FUT8: variants seen among roughly 807,000 people sequenced by gnomAD.
FUT8 encodes the protein alpha-(1,6)-fucosyltransferase.
A neutral mutation model predicts 71.3 loss-of-function variants in FUT8; 29 were observed. The observed-to-expected ratio is 0.41, with a 90% confidence interval of 0.30 to 0.55. FUT8 has a LOEUF of 0.55. FUT8 is among the 20% of genes least tolerant of loss of function. FUT8 has a pLI of 0.34. For missense variants in FUT8, 544 were observed against 702.1 expected, an observed-to-expected ratio of 0.77 and a Z score of 2.55; for synonymous variants, 254 against 239.3, an observed-to-expected ratio of 1.06 and a Z score of -0.57.
chr14:65,619,274 G>GT (rs1210579439), intron 5 of FUT8, among the ~76,000 whole-genome samples: 1 of 152,138 alleles, frequency 6.6e-6, no homozygotes, highest in Non-Finnish European at 1.5e-5. Context: ...TGCCTGTGTT[G>GT]TTTCCTGGTA....
intron 5 of FUT8, among the ~76,000 whole-genome samples, chr14:65,617,627 C>G (rs151175487): frequency 6.6e-6 from 1 of 152,266 alleles, no homozygotes; most frequent in Admixed American, 6.5e-5. Context: ...CCACTGACTT[C>G]TGATGGAATG....
At position 65,732,409 on chromosome 14, in the gene FUT8, T is replaced by G. The variant is rs978183276; in HGVS notation, c.1260-822T>G. The stretch of plus-strand genomic sequence containing the variant: ...AGAAAAATAAGTCATGGTCCTAACC[T>G]TTTTTGGAATACTGTTTGGAAGACA... On this transcript the variant is annotated intron_variant, in intron 9 of 10. Coordinates refer to ENST00000673929, the MANE Select transcript of FUT8 (RefSeq NM_001371533.1). Among the ~76,000 whole-genome samples the G allele has an allele frequency of 3.3e-5, 5 of 152,340 alleles. No homozygotes were observed. The South Asian group carries it at 1.0e-3, about 32-fold the overall frequency.
chr14:65,391,034 T>C, the FUT8 span, among the ~76,000 whole-genome samples: 3 of 152,184 alleles, frequency 2.0e-5, no homozygotes, highest in South Asian at 6.2e-4. Context: ...CCTAATTTCC[T>C]ATTCTTTGTG....
intron 1 of FUT8, among the ~76,000 whole-genome samples, chr14:65,422,738 C>A (rs940595776): frequency 2.0e-5 from 3 of 151,982 alleles, no homozygotes; most frequent in African/African-American, 7.3e-5. Context: ...AAACTCCTGG[C>A]CTTAGGTGAT....
chr14:65,435,504 G>T (rs183734407), intron 1 of FUT8, among the ~76,000 whole-genome samples: 16 of 152,230 alleles, frequency 1.1e-4, no homozygotes, highest in African/African-American at 3.6e-4. Flanking sequence ...TTATCCATTT[G>T]TCTGTTGAAA....
intron 6 of FUT8, among the ~76,000 whole-genome samples, chr14:65,639,487 G>A (rs1299133497): frequency 6.8e-6 from 1 of 145,990 alleles, no homozygotes; most frequent in Non-Finnish European, 1.5e-5. Flanking sequence ...TAAACTTCCT[G>A]TGAGTATTGT....
chr14:65,449,304 C>T (rs112255653), intron 1 of FUT8, among the ~76,000 whole-genome samples: 1 of 152,216 alleles, frequency 6.6e-6, no homozygotes, highest in African/African-American at 2.4e-5. Flanking sequence ...GACAGTCTTA[C>T]AATGATGAAT....
At chr14:65,708,690 C>T (rs931416831) in intron 7 of FUT8, among the ~76,000 whole-genome samples, 4 of 151,968 alleles carry the variant, frequency 2.6e-5, no homozygotes, top group East Asian at 3.9e-4. Flanking sequence ...GATTTTGTAA[C>T]GTGCAACTTT....
rs201100424 is a variant in FUT8, at chr14:65,616,023, A to T, written c.249A>T (p.Val83=). The T allele has an allele frequency of 3.1e-6, 5 of 1,613,970 alleles. No individual in the cohort carries two copies. Among genetic ancestry groups the T allele is most frequent in the Non-Finnish European group, 4.2e-6 (5 of 1,179,946 alleles). The part of the protein sequence containing the change: ...PIDQGPAIGR[V]RVLEEQLVKA... ...ATCAGGGGCCAGCTATAGGAAGAGTACGCGTTTTAGAAGAGCAGCTTGTTA... is the reference window on the plus strand; with the variant it reads ...ATCAGGGGCCAGCTATAGGAAGAGTTCGCGTTTTAGAAGAGCAGCTTGTTA... Residue 83 remains valine (V), a synonymous_variant, in exon 4 of 11, where the codon GTA becomes GTT. Transcript: ENST00000673929.
the FUT8 span, among the ~76,000 whole-genome samples, chr14:65,372,451 T>C: frequency 1.3e-5 from 2 of 151,882 alleles, no homozygotes; most frequent in Non-Finnish European, 2.9e-5. Context: ...AGTTTTGCTC[T>C]GTCACCCGAG....
chr14:65,422,575 C>T (rs529334989), intron 1 of FUT8, among the ~76,000 whole-genome samples: 24 of 151,990 alleles, frequency 1.6e-4, no homozygotes, highest in Admixed American at 5.2e-4. Context: ...CATAGCTCAC[C>T]GCAGTCTCAA....
intron 2 of FUT8, among the ~76,000 whole-genome samples, chr14:65,507,190 C>G (rs1021438730): frequency 3.3e-5 from 5 of 152,222 alleles, no homozygotes; most frequent in South Asian, 2.1e-4. Flanking sequence ...AGGTAAACTA[C>G]TCTGCCTTCC....
At chr14:65,525,031 T>G (rs970367432) in intron 2 of FUT8, among the ~76,000 whole-genome samples, 5 of 152,274 alleles carry the variant, frequency 3.3e-5, no homozygotes, top group South Asian at 2.1e-4. Flanking sequence ...TCTCTTTTTT[T>G]GTTGTGTCTC....
chr14:65,695,214 A>G (rs1042687870), intron 7 of FUT8, among the ~76,000 whole-genome samples: 6 of 152,120 alleles, frequency 3.9e-5, no homozygotes, highest in Non-Finnish European at 5.9e-5. Flanking sequence ...GTCTTTACCA[A>G]TATTCTCCCT....
At chr14:65,560,356 A>T (rs80235566) in intron 2 of FUT8, among the ~76,000 whole-genome samples, 3,033 of 152,080 alleles carry the variant, frequency 0.02, 45 homozygotes, top group Non-Finnish European at 0.032. Context: ...AGAAAAAAAA[A>T]TTTTTATAGA....
At chr14:65,642,642 T>C (rs1340483195) in intron 6 of FUT8, among the ~76,000 whole-genome samples, 1 of 151,054 alleles carries the variant, frequency 6.6e-6, no homozygotes, top group Non-Finnish European at 1.5e-5. Flanking sequence ...ACCATACATG[T>C]GTGTCATGTG....
intron 1 of FUT8, among the ~76,000 whole-genome samples, chr14:65,428,336 A>C (rs1462638872): frequency 6.6e-6 from 1 of 152,246 alleles, no homozygotes; most frequent in East Asian, 1.9e-4. Flanking sequence ...TGATGGTTTT[A>C]AGAGGTGGGG....
chr14:65,373,469 G>A, the FUT8 span, among the ~76,000 whole-genome samples: 1 of 151,894 alleles, frequency 6.6e-6, no homozygotes, highest in African/African-American at 2.4e-5. Flanking sequence ...TCAGAGAGGA[G>A]ATAGGATGCA....
At chr14:65,543,485 GATAA>G (rs1294294299) in intron 2 of FUT8, among the ~76,000 whole-genome samples, 1 of 152,118 alleles carries the variant, frequency 6.6e-6, no homozygotes, top group Non-Finnish European at 1.5e-5. Context: ...ATAGGAAATA[GATAA>G]ATAAGCCAAT....
Sources: gnomAD v4.1 joint callset for allele counts (sites outside exome capture counted in the v4.1 genomes callset) on GRCh38, gnomAD v4.1.1 for gene constraint, MANE v1.5 for transcripts, NCBI Gene and HGNC (gene_info 2026-07-23, HGNC 2026-07-21) for gene names.